The following EFCAB5 variants were observed in gnomAD, a reference collection of about 807,000 sequenced individuals.
The protein encoded by EFCAB5 is EF-hand calcium-binding domain-containing protein 5.
EFCAB5 carries 131 observed loss-of-function variants against 167.9 expected under a neutral mutation model. The observed-to-expected ratio is 0.78, with a 90% CI of 0.68 to 0.90. The LOEUF (loss-of-function observed/expected upper bound fraction) is 0.90. Among genes scored for constraint, EFCAB5 ranks in the 40% least tolerant of loss-of-function variants. The probability of loss-of-function intolerance (pLI) is 0.00; values close to 1 mark genes in which losing one functional copy is unlikely to be tolerated. For synonymous variants in EFCAB5, 574 were observed against 602.8 expected, an observed-to-expected ratio of 0.95 and a Z score of 0.70; for missense variants, 1,663 against 1,745.2, an observed-to-expected ratio of 0.95 and a Z score of 0.84.
At chr17:30,069,054 A>T (rs554582315) in intron 14 of EFCAB5, 201 of 1,403,206 alleles carry the variant, frequency 1.4e-4, no homozygotes, top group African/African-American at 3.5e-4. Context: ...AAGATTACTT[A>T]AAAAAAGTGT....
At chr17:29,994,133 AATATATATATATATATAT>A (rs55875315) in intron 5 of EFCAB5, among the ~76,000 whole-genome samples, 1,129 of 55,856 alleles carry the variant, frequency 0.02, 42 homozygotes, top group African/African-American at 0.053. Flanking sequence ...AACAACAACA[AATATATATATATATATAT>A]ATATATATAT....
At chr17:30,080,020 G>A in intron 15 of EFCAB5, 52 bp from the exon 16 acceptor site, 3 of 1,560,232 alleles carry the variant, frequency 1.9e-6, no homozygotes, top group African/African-American at 1.4e-5. Flanking sequence ...GACATGATTA[G>A]GGGAGTTCTT....
At chr17:29,971,348 T>G (rs1464897121) in intron 4 of EFCAB5, among the ~76,000 whole-genome samples, 1 of 152,166 alleles carries the variant, frequency 6.6e-6, no homozygotes, top group Non-Finnish European at 1.5e-5. Context: ...GTTTCCCTTC[T>G]TCCTTTTCAA....
At chr17:30,035,515 C>A (rs1217005696) in intron 8 of EFCAB5, among the ~76,000 whole-genome samples, 1 of 152,134 alleles carries the variant, frequency 6.6e-6, no homozygotes, top group Non-Finnish European at 1.5e-5. Context: ...CAGGAGAAAA[C>A]CATACAAATT....
chr17:29,943,648 A>G lies in EFCAB5; in HGVS notation c.189A>G (p.Gln63=), dbSNP rs750724679. Residue 63 remains glutamine (Q), a splice_region_variant and synonymous_variant, in exon 3 of 23, where the codon CAA becomes CAG. Coordinates refer to ENST00000394835, the MANE Select transcript of EFCAB5 (RefSeq NM_198529.4). The stretch of plus-strand genomic sequence containing the variant: ...AAGCAATGGATGAAATCAAATCCCA[A>G]GGTAGAGAACTAGCCTTTCTCTTAT... The part of the protein sequence containing the change: ...VEKAMDEIKS[Q]ELNLEGQRKI... 9 of 1,570,116 alleles carry G rather than the reference A, an allele frequency of 5.7e-6. No individual in the cohort carries two copies. The South Asian group carries it at 1.1e-4, about 18-fold the overall frequency.
At chr17:30,046,562 T>C (rs542766981) in intron 8 of EFCAB5, among the ~76,000 whole-genome samples, 6 of 152,290 alleles carry the variant, frequency 3.9e-5, no homozygotes, top group African/African-American at 1.2e-4. Context: ...AAGATGTAAG[T>C]TGAATTCACA....
At chr17:30,052,331 A>AT (rs2070125698) in intron 9 of EFCAB5, among the ~76,000 whole-genome samples, 1 of 151,668 alleles carries the variant, frequency 6.6e-6, no homozygotes, top group South Asian at 2.1e-4. Context: ...ACACCCAGCT[A>AT]TTTTTTTGTA....
intron 14 of EFCAB5, among the ~76,000 whole-genome samples, chr17:30,070,291 C>T (rs2070698282): frequency 6.6e-6 from 1 of 151,936 alleles, no homozygotes; most frequent in African/African-American, 2.4e-5. Flanking sequence ...TCTACAGTTT[C>T]CATACAATCC....
At chr17:29,955,884 C>T (rs546364013) in intron 3 of EFCAB5, among the ~76,000 whole-genome samples, 1 of 151,946 alleles carries the variant, frequency 6.6e-6, no homozygotes, top group South Asian at 2.1e-4. Context: ...AAAGAACAAA[C>T]CTGGAGGTAT....
intron 7 of EFCAB5, among the ~76,000 whole-genome samples, chr17:30,032,538 T>A (rs777190201): frequency 1.3e-5 from 2 of 152,196 alleles, no homozygotes; most frequent in Non-Finnish European, 2.9e-5. Flanking sequence ...CCTCCCTGTA[T>A]CAGGAGAAAG....
chr17:29,996,295 C>T lies in EFCAB5; in HGVS notation c.925-17C>T, dbSNP rs1295149938. 6.5e-7 allele frequency: 1 copy of T among 1,541,008 alleles called. No individual in the cohort carries two copies. Among genetic ancestry groups the T allele is most frequent in the Non-Finnish European group, 8.7e-7 (1 of 1,142,870 alleles). On this transcript the variant is annotated splice_polypyrimidine_tract_variant and intron_variant, in intron 5 of 22. Transcript: ENST00000394835. ...TGGCATATGGTTTCTTTCTTTTTTT[C>T]CTCTTTTGAGTTGCAGATTCAGAAT...
At chr17:29,937,562 CA>C (rs1172132890), upstream of EFCAB5, among the ~76,000 whole-genome samples, 1 of 152,068 alleles carries the variant, frequency 6.6e-6, no homozygotes, top group African/African-American at 2.4e-5. Context: ...CCCAAGGAAG[CA>C]ATATTTTTGT....
chr17:30,073,803 G>A (rs2070806188), intron 14 of EFCAB5: 1 of 494,650 alleles, frequency 2.0e-6, no homozygotes, highest in South Asian at 3.4e-5. Flanking sequence ...ACACTCACCT[G>A]TAATCCCAGC....
At chr17:30,012,352 G>A (rs1446322049) in intron 7 of EFCAB5, among the ~76,000 whole-genome samples, 4 of 152,158 alleles carry the variant, frequency 2.6e-5, no homozygotes, top group African/African-American at 9.7e-5. Flanking sequence ...CAGTGGTCAC[G>A]CTCCTAGTCC....
chr17:29,937,047 C>T (rs548415702), upstream of EFCAB5, among the ~76,000 whole-genome samples: 1 of 152,216 alleles, frequency 6.6e-6, no homozygotes, highest in South Asian at 2.1e-4. Context: ...AAAGATACTA[C>T]GTATGGAAGA....
chr17:29,937,444 C>T (rs193182591), upstream of EFCAB5, among the ~76,000 whole-genome samples: 48 of 152,254 alleles, frequency 3.2e-4, no homozygotes, highest in East Asian at 8.1e-3. Flanking sequence ...GCCTCAGCCT[C>T]CCAAAGTGCT....
At chr17:30,015,513 G>A (rs1641942865) in intron 7 of EFCAB5, among the ~76,000 whole-genome samples, 1 of 152,188 alleles carries the variant, frequency 6.6e-6, no homozygotes, top group Admixed American at 6.5e-5. Context: ...AGCGAGAAGA[G>A]AAGTTTAGAA....
chr17:29,983,010 A>G (rs1283265095), intron 4 of EFCAB5, among the ~76,000 whole-genome samples: 3 of 152,236 alleles, frequency 2.0e-5, no homozygotes, highest in African/African-American at 7.2e-5. Flanking sequence ...TTTGCTGCAT[A>G]ACAAAATACT....
chr17:29,976,055 A>G (rs1268733113), intron 4 of EFCAB5, among the ~76,000 whole-genome samples: 1 of 152,224 alleles, frequency 6.6e-6, no homozygotes, highest in Non-Finnish European at 1.5e-5. Context: ...TTGCAGTGCA[A>G]TAAATTAGAC....
Sources: allele counts gnomAD v4.1 joint callset (sites outside exome capture counted in the v4.1 genomes callset), GRCh38; gene constraint gnomAD v4.1.1; transcripts MANE v1.5; gene names NCBI Gene and HGNC (gene_info 2026-07-23, HGNC 2026-07-21).